Variants in GORASP2 observed in about 807,000 individuals in gnomAD.
GORASP2 encodes golgi reassembly stacking protein 2.
In GORASP2, 22 loss-of-function variants were observed where a neutral mutation model predicts 45.7. The ratio of observed to expected loss-of-function variants is 0.48; its 90% CI spans 0.34 to 0.69. GORASP2 has a LOEUF of 0.69. Among genes scored for constraint, GORASP2 ranks in the 30% least tolerant of loss-of-function variants. GORASP2 has a pLI of 0.01. For missense variants in GORASP2, 491 were observed against 562.7 expected (o/e 0.87, Z 1.29); for synonymous variants, 221 against 215.6 (o/e 1.02, Z -0.22).
At position 170,966,828 on chromosome 2, in the gene GORASP2, TA is replaced by T. The variant is rs1260380889; in HGVS notation, c.*701del. On this transcript the variant is annotated 3_prime_UTR_variant, in exon 10 of 10. Coordinates refer to ENST00000234160, the MANE Select transcript of GORASP2 (RefSeq NM_015530.5). ...CAAAAGAAATAAGGTGCCACAGTTT[TA>T]AACCAGAAGGTGGCACTCTGTGGCT... 1 of 152,780 alleles carries T rather than the reference TA, an allele frequency of 6.5e-6. No homozygotes were observed. Among genetic ancestry groups the T allele is most frequent in the African/African-American group, 2.4e-5 (1 of 41,462 alleles). The allele number at this position is 152,780 out of a possible 1,614,324, so 9.5% of individuals were successfully genotyped here.
intron 9 of GORASP2, among the ~76,000 whole-genome samples, chr2:170,963,527 T>G (rs1704620348): frequency 8.7e-6 from 1 of 115,446 alleles, no homozygotes; most frequent in African/African-American, 3.4e-5. Flanking sequence ...TAAAGCACAG[T>G]GGAGTGGCCC....
intron 4 of GORASP2, 25 bp from the exon 5 acceptor site, chr2:170,951,303 A>G (rs1028351090): frequency 6.3e-7 from 1 of 1,577,864 alleles, no homozygotes; most frequent in Non-Finnish European, 8.6e-7. Flanking sequence ...AACGTGAAAC[A>G]TTTTCTCCTG....
intron 1 of GORASP2, among the ~76,000 whole-genome samples, chr2:170,941,075 G>A (rs1254920230): frequency 6.6e-6 from 1 of 152,082 alleles, no homozygotes; most frequent in Non-Finnish European, 1.5e-5. Flanking sequence ...AAACTGTCTA[G>A]CAAATATCAT....
intron 3 of GORASP2, chr2:170,950,002 A>T (rs1704265078): frequency 1.9e-6 from 1 of 520,776 alleles, no homozygotes. Context: ...CTACAAAAAT[A>T]TTTTAAATAT....
At chr2:170,950,886 G>C (rs1704284640) in intron 4 of GORASP2, among the ~76,000 whole-genome samples, 1 of 152,156 alleles carries the variant, frequency 6.6e-6, no homozygotes, top group East Asian at 1.9e-4. Flanking sequence ...GGAGGCTGAG[G>C]TGGAAGGATC....
chr2:170,950,851 G>A (rs1418347979), intron 4 of GORASP2, among the ~76,000 whole-genome samples: 2 of 152,112 alleles, frequency 1.3e-5, no homozygotes, highest in Admixed American at 6.6e-5. Context: ...GCATGGTGGT[G>A]CATGCCTATA....
chr2:170,935,525 G>T (rs2105311025), intron 1 of GORASP2, among the ~76,000 whole-genome samples: 1 of 151,362 alleles, frequency 6.6e-6, no homozygotes, highest in African/African-American at 2.4e-5. Flanking sequence ...AAAGTGTAGG[G>T]ATTTCAGGTG....
At chr2:170,937,077 G>A (rs4668349) in intron 1 of GORASP2, among the ~76,000 whole-genome samples, 92,801 of 151,804 alleles carry the variant, frequency 0.61, 29,802 homozygotes, top group East Asian at 0.95. Flanking sequence ...GCATGATGGC[G>A]CGTGCCTGTA....
chr2:170,932,854 C>A (rs1703860174), intron 1 of GORASP2, among the ~76,000 whole-genome samples: 1 of 152,160 alleles, frequency 6.6e-6, no homozygotes, highest in Non-Finnish European at 1.5e-5. Context: ...AACATTACAA[C>A]CAAAATAGCC....
At chr2:170,930,000 A>G in intron 1 of GORASP2, 2 of 319,754 alleles carry the variant, frequency 6.3e-6, no homozygotes, top group Non-Finnish European at 1.3e-5. Context: ...TTCCCGTGCC[A>G]CTCCTGACCC....
At chr2:170,960,309 C>G (rs903911160) in intron 7 of GORASP2, among the ~76,000 whole-genome samples, 2 of 152,138 alleles carry the variant, frequency 1.3e-5, no homozygotes, top group Non-Finnish European at 2.9e-5. Context: ...CTCAACTATC[C>G]ATTCAACTCC....
chr2:170,966,111 A>G lies in GORASP2; in HGVS notation c.1340A>G (p.Asn447Ser), dbSNP rs769341711. ...CCTGTTTCTGCGGCTGTGGATGCCA[A>G]TGCTTCTGAGTCACCTTAACTTTGA... ...EKPVSAAVDA[N>S]ASESP is the part of the protein sequence containing the mutation. The change falls in exon 10 of 10, where the codon AAT becomes AGT. Residue 447 changes from asparagine (N) to serine (S), a missense_variant. Coordinates refer to ENST00000234160, the MANE Select transcript of GORASP2 (RefSeq NM_015530.5). 2.4e-5 allele frequency: 38 copies of G among 1,613,032 alleles called. No homozygotes were observed. The highest frequency in any genetic ancestry group is 3.3e-4 in the Middle Eastern group (2 of 6,082).
Position 170,930,372 on chromosome 2 carries a change from G to T in GORASP2, c.63+969G>T, listed in dbSNP as rs569576030. ...GAACAGTCAACAGAGTGGCCGCAGC[G>T]TGTAGCGCCATTTAGGGGTGTAATA... On this transcript the variant is annotated intron_variant, in intron 1 of 9. Transcript: ENST00000234160. Among the ~76,000 whole-genome samples, 6 of 152,322 alleles carry T rather than the reference G, an allele frequency of 3.9e-5. No individual in the cohort carries two copies. In the South Asian group the frequency reaches 1.2e-3, roughly 32 times the overall value.
At chr2:170,945,429 T>C (rs1206536233) in intron 1 of GORASP2, among the ~76,000 whole-genome samples, 1 of 149,608 alleles carries the variant, frequency 6.7e-6, no homozygotes, top group Non-Finnish European at 1.5e-5. Context: ...CCCAGCTGCT[T>C]GGGAGGCCAG....
intron 5 of GORASP2, among the ~76,000 whole-genome samples, chr2:170,952,609 A>G (rs1399057929): frequency 6.6e-6 from 1 of 152,130 alleles, no homozygotes; most frequent in Non-Finnish European, 1.5e-5. Context: ...AAATGTAGCT[A>G]CCTCTGAAAG....
chr2:170,940,254 A>G (rs1236706524), intron 1 of GORASP2, among the ~76,000 whole-genome samples: 2 of 152,212 alleles, frequency 1.3e-5, no homozygotes, highest in African/African-American at 2.4e-5. Flanking sequence ...GTGTGCTGCA[A>G]GTTGCCTTGT....
rs375150020 is a variant in GORASP2 at position 170,962,918 on chromosome 2, G to T, written c.990G>T (p.Gly330=). ...TCCCAGCACCACACATCATGCCAGG[G>T]GTTGGCTTACCAGAACTTGTAAACC... ...LNLPAPHIMP[G]VGLPELVNPG... Residue 330 remains glycine (G), a synonymous_variant, in exon 9 of 10, where the codon GGG becomes GGT. Transcript: ENST00000234160. 90 of 1,613,748 alleles carry T rather than the reference G, an allele frequency of 5.6e-5. No individual in the cohort carries two copies. Among genetic ancestry groups the T allele is most frequent in the Non-Finnish European group, 6.8e-5 (80 of 1,179,876 alleles).
At chr2:170,956,198 G>A (rs1242523514) in intron 6 of GORASP2, among the ~76,000 whole-genome samples, 1 of 152,144 alleles carries the variant, frequency 6.6e-6, no homozygotes, top group East Asian at 1.9e-4. Flanking sequence ...GCAACTTGGG[G>A]TAGAAGCCAT....
At chr2:170,957,327 A>T (rs1386661431) in intron 7 of GORASP2, among the ~76,000 whole-genome samples, 1 of 151,294 alleles carries the variant, frequency 6.6e-6, no homozygotes, top group South Asian at 2.1e-4. Flanking sequence ...CCCAGGCCGG[A>T]GTACAATGGC....
Sources: allele counts gnomAD v4.1 joint callset (sites outside exome capture counted in the v4.1 genomes callset), GRCh38; gene constraint gnomAD v4.1.1; transcripts MANE v1.5; gene names NCBI Gene and HGNC (gene_info 2026-07-23, HGNC 2026-07-21).